The following KLHDC1 variants were observed in gnomAD, a reference collection of about 807,000 sequenced individuals.
The protein encoded by KLHDC1 is kelch domain-containing protein 1.
Under a neutral mutation model 68.3 loss-of-function variants are expected in KLHDC1, and 53 were observed. The ratio of observed to expected loss-of-function variants is 0.78; its 90% confidence interval spans 0.62 to 0.98. KLHDC1 has a LOEUF of 0.98. Among genes scored for constraint, KLHDC1 ranks in the 50% least tolerant of loss-of-function variants. The probability of loss-of-function intolerance (pLI) is 0.00; values close to 1 mark genes in which losing one functional copy is unlikely to be tolerated. For missense variants in KLHDC1, 470 were observed against 492.3 expected (o/e 0.95, Z 0.43); for synonymous variants, 148 against 159.0 (o/e 0.93, Z 0.52).
At chr14:49,693,362 C>T (rs1594640098) in intron 1 of KLHDC1, 72 bp downstream of exon 1, 2 of 1,107,800 alleles carry the variant, frequency 1.8e-6, no homozygotes, top group East Asian at 3.3e-5. Context: ...CAGCGCCCGC[C>T]ACACCCGCTC....
At position 49,752,524 on chromosome 14, in the gene KLHDC1, G is replaced by A. The variant is rs1889340081; in HGVS notation, c.*752G>A. On this transcript the variant is annotated 3_prime_UTR_variant, in exon 13 of 13. Coordinates refer to ENST00000359332, the MANE Select transcript of KLHDC1 (RefSeq NM_172193.3). ...AGCAGTATTTTTATTAACTTTTTGA[G>A]ACATATTAAAATACATTTTGCCTTA... 1.3e-5 allele frequency: 2 copies of A among 152,476 alleles called. No individual in the cohort carries two copies. Among genetic ancestry groups the A allele is most frequent in the South Asian group, 4.1e-4 (2 of 4,830 alleles). 9.4% of individuals were successfully genotyped at this position (152,476 alleles called of 1,614,324 possible).
At chr14:49,731,159 A>T (rs147368663) in intron 8 of KLHDC1, among the ~76,000 whole-genome samples, 1 of 152,120 alleles carries the variant, frequency 6.6e-6, no homozygotes, top group Admixed American at 6.6e-5. Context: ...GCATGCTTGT[A>T]AACAGAGCTA....
intron 4 of KLHDC1, among the ~76,000 whole-genome samples, chr14:49,723,194 C>T (rs935048067): frequency 1.3e-5 from 2 of 151,244 alleles, no homozygotes; most frequent in Admixed American, 6.6e-5. Context: ...GATTCAATTA[C>T]CTCCCATTGG....
intron 12 of KLHDC1, among the ~76,000 whole-genome samples, chr14:49,750,236 C>T (rs35005827): frequency 0.096 from 14,557 of 152,238 alleles, 919 homozygotes; most frequent in Admixed American, 0.21. Context: ...ATGCCCCACT[C>T]GCGCTCTGCC....
intron 4 of KLHDC1, among the ~76,000 whole-genome samples, chr14:49,718,017 G>A (rs1888423892): frequency 6.6e-6 from 1 of 151,990 alleles, no homozygotes; most frequent in Non-Finnish European, 1.5e-5. Context: ...CTCCTGAGTA[G>A]CTGGGACTAC....
rs59444333 is a variant in KLHDC1 at position 49,705,365 on chromosome 14, C to CTTTTTTTTTTTTTTTTTTTT, written c.97-3792_97-3773dup. ...TCACTTTCATAATATTTCTTTCTTT[C>CTTTTTTTTTTTTTTTTTTTT]TTTTTTTTTTTTTTTTTTTTTGAGA... On this transcript the variant is annotated intron_variant, in intron 1 of 12. Transcript: ENST00000359332. Among the ~76,000 whole-genome samples the CTTTTTTTTTTTTTTTTTTTT allele has an allele frequency of 6.4e-4, 46 of 71,672 alleles. 11 individuals are homozygous for CTTTTTTTTTTTTTTTTTTTT. The highest frequency in any genetic ancestry group is 1.6e-3 in the African/African-American group (30 of 18,332). 47.0% of individuals were successfully genotyped at this position (71,672 alleles called of 152,430 possible). A position where few individuals can be genotyped will look rare whatever the true frequency, so the allele number is the denominator to read the frequency against.
intron 12 of KLHDC1, among the ~76,000 whole-genome samples, chr14:49,750,609 A>G (rs1889300344): frequency 6.6e-6 from 1 of 152,216 alleles, no homozygotes; most frequent in African/African-American, 2.4e-5. Context: ...AAAGTTACCC[A>G]CAGCAGAATC....
At chr14:49,700,044 T>G (rs1360080059) in intron 1 of KLHDC1, 1 of 368,160 alleles carries the variant, frequency 2.7e-6, no homozygotes, top group Non-Finnish European at 5.2e-6. Flanking sequence ...TTTTTTTTTT[T>G]TTTAGATGGA....
At chr14:49,725,459 C>G (rs1229190756) in intron 5 of KLHDC1, 5 of 366,990 alleles carry the variant, frequency 1.4e-5, no homozygotes, top group Non-Finnish European at 2.5e-5. Context: ...AATTATGATT[C>G]ACTGCAAACA....
At chr14:49,733,912 A>G (rs540020205) in intron 9 of KLHDC1, among the ~76,000 whole-genome samples, 85 of 152,338 alleles carry the variant, frequency 5.6e-4, no homozygotes, top group Middle Eastern at 3.4e-3. Context: ...TGGAGAAACA[A>G]CAGTTCCTAG....
At chr14:49,742,444 C>T (rs1251878660) in intron 11 of KLHDC1, among the ~76,000 whole-genome samples, 1 of 151,552 alleles carries the variant, frequency 6.6e-6, no homozygotes, top group Non-Finnish European at 1.5e-5. Flanking sequence ...CTGAGGTGGG[C>T]AGATCACCCT....
intron 1 of KLHDC1, among the ~76,000 whole-genome samples, chr14:49,698,546 C>T (rs1887808282): frequency 7.6e-6 from 1 of 132,444 alleles, no homozygotes; most frequent in Non-Finnish European, 1.6e-5. Flanking sequence ...GACAGAGTAT[C>T]TCTCTGTTGC....
At chr14:49,722,829 G>A (rs1489771498) in intron 4 of KLHDC1, among the ~76,000 whole-genome samples, 1 of 152,186 alleles carries the variant, frequency 6.6e-6, no homozygotes, top group East Asian at 1.9e-4. Flanking sequence ...GCTCACGCCT[G>A]TAATCCCAGC....
intron 3 of KLHDC1, 45 bp from the exon 4 acceptor site, chr14:49,710,218 A>G: frequency 9.5e-7 from 1 of 1,048,792 alleles, no homozygotes; most frequent in South Asian, 1.3e-5. Flanking sequence ...TATAGATTTA[A>G]TTTTTAAATG....
chr14:49,714,279 C>G (rs1290731796), intron 4 of KLHDC1, among the ~76,000 whole-genome samples: 1 of 151,020 alleles, frequency 6.6e-6, no homozygotes, highest in Non-Finnish European at 1.5e-5. Flanking sequence ...CGAGACCAGC[C>G]TGGCCAGCAT....
intron 10 of KLHDC1, among the ~76,000 whole-genome samples, chr14:49,739,740 A>G (rs1020781541): frequency 2.0e-5 from 3 of 152,176 alleles, no homozygotes; most frequent in Admixed American, 1.3e-4. Flanking sequence ...ATATTGAAGG[A>G]TATAGTAGAG....
At chr14:49,732,089 A>G (rs568686065) in intron 8 of KLHDC1, among the ~76,000 whole-genome samples, 1 of 152,236 alleles carries the variant, frequency 6.6e-6, no homozygotes, top group African/African-American at 2.4e-5. Context: ...GACATGAAAA[A>G]AATTGTGTTG....
intron 1 of KLHDC1, among the ~76,000 whole-genome samples, chr14:49,695,122 G>GTGTGTGTT (rs1887698898): frequency 1.3e-5 from 2 of 149,660 alleles, no homozygotes; most frequent in South Asian, 4.2e-4. Flanking sequence ...TTTGATGTGT[G>GTGTGTGTT]TGTGTGTGTG....
At chr14:49,713,815 TATATATATATATATATATATATATATATA>T (rs1566602718) in intron 4 of KLHDC1, among the ~76,000 whole-genome samples, 3 of 5,148 alleles carry the variant, frequency 5.8e-4, no homozygotes, top group Non-Finnish European at 6.9e-3. Flanking sequence ...TATATATATA[TATATATATATATATATATATATATATATA>T]TATATATTTT....
Sources: allele counts gnomAD v4.1 joint callset (sites outside exome capture counted in the v4.1 genomes callset), GRCh38; gene constraint gnomAD v4.1.1; transcripts MANE v1.5; gene names NCBI Gene and HGNC (gene_info 2026-07-23, HGNC 2026-07-21).